Variants in CNTNAP2 observed in about 807,000 individuals in gnomAD.
CNTNAP2 encodes the protein contactin associated protein 2.
CNTNAP2 carries 98 observed loss-of-function variants against 155.2 expected under a neutral mutation model. That is an observed-to-expected ratio of 0.63 (90% CI 0.54 to 0.75). The LOEUF is 0.75. Among genes scored for constraint, CNTNAP2 ranks in the 30% least tolerant of loss-of-function variants. The pLI is 0.00. For missense variants in CNTNAP2, 1,727 were observed against 1,688.1 expected (o/e 1.02, Z -0.40); for synonymous variants, 651 against 631.2 (o/e 1.03, Z -0.47).
chr7:147,103,901 G>A (rs1279636031), intron 4 of CNTNAP2, among the ~76,000 whole-genome samples: 1 of 151,862 alleles, frequency 6.6e-6, no homozygotes, highest in Non-Finnish European at 1.5e-5. Context: ...CTCTTCTAGA[G>A]GGTCAAGGTT....
chr7:146,728,722 C>A (rs977372751), intron 1 of CNTNAP2, among the ~76,000 whole-genome samples: 2 of 152,018 alleles, frequency 1.3e-5, no homozygotes, highest in African/African-American at 4.8e-5. Context: ...GAATAAAATC[C>A]TCAGCTTTCT....
intron 4 of CNTNAP2, among the ~76,000 whole-genome samples, chr7:147,083,944 A>G (rs558136779): frequency 2.1e-5 from 2 of 95,018 alleles, no homozygotes; most frequent in South Asian, 7.6e-4. Context: ...TATATATTAT[A>G]TAGCATTATA....
At chr7:146,540,275 T>C (rs1272776225) in intron 1 of CNTNAP2, among the ~76,000 whole-genome samples, 1 of 152,100 alleles carries the variant, frequency 6.6e-6, no homozygotes, top group East Asian at 1.9e-4. Flanking sequence ...GTTTCAATGT[T>C]CTGTTGAGAG....
intron 3 of CNTNAP2, among the ~76,000 whole-genome samples, chr7:146,914,415 G>A (rs181966607): frequency 4.7e-4 from 71 of 152,074 alleles, no homozygotes; most frequent in African/African-American, 1.5e-3. Context: ...CCCACCAGCT[G>A]TGTAAAAGTG....
chr7:147,712,859 G>A (rs564890551), intron 13 of CNTNAP2, among the ~76,000 whole-genome samples: 35 of 152,170 alleles, frequency 2.3e-4, no homozygotes, highest in African/African-American at 7.7e-4. Context: ...CAACCTGCAC[G>A]TTGTGCACAT....
chr7:146,822,035 C>T (rs555952809), intron 2 of CNTNAP2, among the ~76,000 whole-genome samples: 168 of 152,072 alleles, frequency 1.1e-3, no homozygotes, highest in African/African-American at 3.2e-3. Context: ...ATGTTTATTG[C>T]GGCACTATTC....
At chr7:146,945,507 G>A (rs542958624) in intron 3 of CNTNAP2, among the ~76,000 whole-genome samples, 1 of 152,266 alleles carries the variant, frequency 6.6e-6, no homozygotes, top group Non-Finnish European at 1.5e-5. Flanking sequence ...AGAAGGGGAG[G>A]AGGAAAAAGG....
intron 10 of CNTNAP2, among the ~76,000 whole-genome samples, chr7:147,471,977 GA>G (rs146909854): frequency 6.6e-6 from 1 of 152,130 alleles, no homozygotes; most frequent in African/African-American, 2.4e-5. Context: ...AAAGATTGAG[GA>G]AAAGAGTGTA....
chr7:146,226,406 C>T (rs1049940122), intron 1 of CNTNAP2, among the ~76,000 whole-genome samples: 1 of 152,152 alleles, frequency 6.6e-6, no homozygotes, highest in Non-Finnish European at 1.5e-5. Flanking sequence ...CACCTCTAAT[C>T]CTAGCACTTT....
rs201136976 is a variant in CNTNAP2 at position 147,324,833 on chromosome 7, GA to G, written c.1498+24544del. 8.5e-3 allele frequency among the ~76,000 whole-genome samples: 1,289 copies of G among 152,098 alleles called. 21 individuals carry two copies. Among genetic ancestry groups the G allele is most frequent in the African/African-American group, 0.029 (1,214 of 41,496 alleles). ...TCTATTAATTTTCATTGCCAGTGAA[GA>G]CCTAACTGGCTAAACAAAGATACAC... On this transcript the variant is annotated intron_variant, in intron 9 of 23. Coordinates refer to ENST00000361727, the MANE Select transcript of CNTNAP2 (RefSeq NM_014141.6).
chr7:146,548,926 A>C (rs1309668605), intron 1 of CNTNAP2, among the ~76,000 whole-genome samples: 1 of 150,422 alleles, frequency 6.6e-6, no homozygotes, highest in African/African-American at 2.4e-5. Flanking sequence ...TCATGAAATT[A>C]TTGCCAAGAC....
chr7:147,627,709 AAAAAAG>A lies in CNTNAP2; in HGVS notation c.1898-11395_1898-11390del, dbSNP rs1188744281. The stretch of plus-strand genomic sequence containing the variant: ...TCTGTCTCAAAAAAAAAAAAAAAAA[AAAAAAG>A]ATATTAAAACAAAATACAGGATATG... On this transcript the variant is annotated intron_variant, in intron 12 of 23. Transcript: ENST00000361727. Among the ~76,000 whole-genome samples the A allele has an allele frequency of 3.1e-3, 461 of 150,590 alleles. 5 individuals are homozygous for A. Among genetic ancestry groups the A allele is most frequent in the African/African-American group, 0.011 (439 of 41,058 alleles).
chr7:146,248,384 A>G (rs1231510734), intron 1 of CNTNAP2, among the ~76,000 whole-genome samples: 1 of 152,132 alleles, frequency 6.6e-6, no homozygotes, highest in Non-Finnish European at 1.5e-5. Context: ...GGACCAAGGC[A>G]GGCATCCCTG....
Position 146,926,175 on chromosome 7 carries a change from A to G in CNTNAP2, c.402+86271A>G, listed in dbSNP as rs114108465. ...ATCTTTCAGAATATTTTATTATTAA[A>G]TAACTAACCATGAATTCTTATATTT... On this transcript the variant is annotated intron_variant, in intron 3 of 23. Coordinates refer to ENST00000361727, the MANE Select transcript of CNTNAP2 (RefSeq NM_014141.6). Among the ~76,000 whole-genome samples, 3 of 152,122 alleles carry G rather than the reference A, an allele frequency of 2.0e-5. No individual in the cohort carries two copies. The East Asian group carries it at 5.8e-4, about 29-fold the overall frequency.
chr7:146,598,403 G>A (rs1043663434), intron 1 of CNTNAP2, among the ~76,000 whole-genome samples: 3 of 151,988 alleles, frequency 2.0e-5, no homozygotes, highest in African/African-American at 7.3e-5. Context: ...TAGATCTCCT[G>A]GAGAGTTATT....
At chr7:147,236,421 G>GTTT (rs11341712) in intron 8 of CNTNAP2, among the ~76,000 whole-genome samples, 3 of 139,012 alleles carry the variant, frequency 2.2e-5, no homozygotes, top group African/African-American at 7.9e-5. Flanking sequence ...TTTTAAGCTT[G>GTTT]TTTTTTTTTT....
intron 3 of CNTNAP2, among the ~76,000 whole-genome samples, chr7:146,949,469 C>T (rs374934573): frequency 6.6e-6 from 1 of 152,166 alleles, no homozygotes; most frequent in Non-Finnish European, 1.5e-5. Context: ...GAGGTTTTGA[C>T]TCTGATCTGA....
Position 147,307,595 on chromosome 7 carries a change from C to G in CNTNAP2, c.1498+7305C>G, listed in dbSNP as rs532837244. 1.2e-3 allele frequency among the ~76,000 whole-genome samples: 181 copies of G among 151,836 alleles called. 3 individuals carry two copies. Among genetic ancestry groups the G allele is most frequent in the South Asian group, 6.5e-3 (31 of 4,798 alleles). The stretch of plus-strand genomic sequence containing the variant: ...CAAAACTCCATACCCCACCTGCCCC[C>G]CCAAAAAAGGAAATGCCATCAATTA... On this transcript the variant is annotated intron_variant, in intron 9 of 23. Coordinates refer to ENST00000361727, the MANE Select transcript of CNTNAP2 (RefSeq NM_014141.6).
At chr7:147,686,341 G>T (rs954805229) in intron 13 of CNTNAP2, among the ~76,000 whole-genome samples, 1 of 152,014 alleles carries the variant, frequency 6.6e-6, no homozygotes, top group African/African-American at 2.4e-5. Flanking sequence ...GAAAAAGAAG[G>T]CTTGGGGGAA....
Sources: allele counts gnomAD v4.1 joint callset (sites outside exome capture counted in the v4.1 genomes callset), GRCh38; gene constraint gnomAD v4.1.1; transcripts MANE v1.5; gene names NCBI Gene and HGNC (gene_info 2026-07-23, HGNC 2026-07-21).